Variants in YBX1 observed in about 807,000 individuals in gnomAD.
The protein encoded by YBX1 is Y-box binding protein 1.
Under a neutral mutation model 41.4 loss-of-function variants are expected in YBX1, and 3 were observed. The ratio of observed to expected loss-of-function variants is 0.07; its 90% CI spans 0.03 to 0.19. The LOEUF (loss-of-function observed/expected upper bound fraction) is 0.19, where lower values mean the gene tolerates loss of function less well. YBX1 is among the 10% of genes least tolerant of loss of function. The pLI, the probability that YBX1 is intolerant of heterozygous loss-of-function variation, is 1.00. For synonymous variants in YBX1, 133 were observed against 165.8 expected, an observed-to-expected ratio of 0.80 and a Z score of 1.52; for missense variants, 274 against 462.8, an observed-to-expected ratio of 0.59 and a Z score of 3.74.
intron 3 of YBX1, among the ~76,000 whole-genome samples, chr1:42,695,760 G>A (rs1650443410): frequency 1.3e-5 from 2 of 152,180 alleles, no homozygotes; most frequent in African/African-American, 4.8e-5. Context: ...GTAACACAGG[G>A]GCAAAGTTGG....
chr1:42,700,534 G>A (rs540959094), intron 6 of YBX1, among the ~76,000 whole-genome samples: 3 of 151,348 alleles, frequency 2.0e-5, no homozygotes, highest in African/African-American at 4.9e-5. Flanking sequence ...GGGAGATTGA[G>A]GCCACAGTGA....
chr1:42,688,615 A>G (rs760447731), intron 2 of YBX1, among the ~76,000 whole-genome samples: 3 of 152,218 alleles, frequency 2.0e-5, no homozygotes, highest in Non-Finnish European at 4.4e-5. Context: ...AGTAAATTGC[A>G]TGTCAGTAAA....
intron 2 of YBX1, among the ~76,000 whole-genome samples, chr1:42,690,916 G>A (rs1650313814): frequency 6.6e-6 from 1 of 152,172 alleles, no homozygotes; most frequent in Admixed American, 6.5e-5. Context: ...CCGGAAAAGG[G>A]TCAGTTCCAG....
At chr1:42,689,153 T>C (rs575040655) in intron 2 of YBX1, among the ~76,000 whole-genome samples, 2 of 152,318 alleles carry the variant, frequency 1.3e-5, no homozygotes, top group African/African-American at 2.4e-5. Flanking sequence ...TACCCTCCAG[T>C]CTTAGCCCTT....
At chr1:42,683,755 T>C (rs919470502) in intron 2 of YBX1, among the ~76,000 whole-genome samples, 53 of 152,370 alleles carry the variant, frequency 3.5e-4, no homozygotes, top group African/African-American at 1.1e-3. Context: ...AGCCATTCCT[T>C]AACAGGGTAA....
chr1:42,697,946 A>C (rs1490962774), intron 6 of YBX1, among the ~76,000 whole-genome samples: 5 of 152,204 alleles, frequency 3.3e-5, no homozygotes, highest in African/African-American at 1.2e-4. Flanking sequence ...TTGTTTCTCT[A>C]AGGGTTTGAT....
chr1:42,683,328 G>C (rs781744913), intron 1 of YBX1, 75 bp from the exon 2 acceptor site: 1 of 1,580,906 alleles, frequency 6.3e-7, no homozygotes, highest in South Asian at 1.1e-5. Flanking sequence ...GCGAGGGACC[G>C]GATGCCCAAG....
intron 2 of YBX1, among the ~76,000 whole-genome samples, chr1:42,690,589 CTG>C (rs921734108): frequency 3.9e-5 from 6 of 152,192 alleles, no homozygotes; most frequent in African/African-American, 1.4e-4. Flanking sequence ...ATGTGTCAGA[CTG>C]TGCAGGTGGC....
chr1:42,697,417 G>C (rs1176866303), intron 6 of YBX1, among the ~76,000 whole-genome samples, 155 bp downstream of exon 6: 1 of 152,174 alleles, frequency 6.6e-6, no homozygotes, highest in Non-Finnish European at 1.5e-5. Context: ...AAAACAGCTT[G>C]TATAGATGAG....
chr1:42,696,439 G>C lies in YBX1; in HGVS notation c.354+151G>C. ...AAGCCTAATGTTCTGGCTGCAGTTA[G>C]AGGGCAATCTCTTCAGAACAGTGAG... is the stretch of plus-strand genomic sequence containing the variant. On this transcript the variant is annotated intron_variant, in intron 4 of 7. Coordinates refer to ENST00000321358, the MANE Select transcript of YBX1 (RefSeq NM_004559.5). This position sits in a 1 kb window ranked among gnomAD's most constrained non-coding sequence, Gnocchi z 5.7. The C allele has an allele frequency of 1.0e-6, 1 of 994,830 alleles. No homozygotes were observed. Among genetic ancestry groups the C allele is most frequent in the South Asian group, 1.7e-5 (1 of 57,556 alleles). 61.6% of individuals were successfully genotyped at this position (994,830 alleles called of 1,614,324 possible).
intron 2 of YBX1, among the ~76,000 whole-genome samples, chr1:42,684,684 C>T (rs943933679): frequency 2.6e-5 from 4 of 152,162 alleles, no homozygotes; most frequent in African/African-American, 9.7e-5. Flanking sequence ...TTGTTATATA[C>T]TGTTTGCTTT....
chr1:42,690,730 A>G (rs1480483181), intron 2 of YBX1, among the ~76,000 whole-genome samples: 7 of 152,060 alleles, frequency 4.6e-5, no homozygotes, highest in Non-Finnish European at 8.8e-5. Flanking sequence ...TCTTTCTCCA[A>G]CCCCTTTTCT....
chr1:42,694,298 C>T (rs1433865328), intron 3 of YBX1, among the ~76,000 whole-genome samples: 2 of 152,078 alleles, frequency 1.3e-5, no homozygotes, highest in African/African-American at 4.8e-5. Context: ...CTAATGTAAA[C>T]CACTGCCAAG....
chr1:42,686,051 C>CTAGA (rs1192945051), intron 2 of YBX1, among the ~76,000 whole-genome samples: 1 of 152,108 alleles, frequency 6.6e-6, no homozygotes, highest in Non-Finnish European at 1.5e-5. Context: ...GAGAATGTGA[C>CTAGA]TAGAGGGGTT....
intron 2 of YBX1, among the ~76,000 whole-genome samples, chr1:42,691,261 A>G (rs1650321218): frequency 6.6e-6 from 1 of 152,246 alleles, no homozygotes. Context: ...GACACTGGTC[A>G]GTGAACTGTG....
intron 3 of YBX1, among the ~76,000 whole-genome samples, chr1:42,694,045 TA>T (rs765335934): frequency 1.2e-3 from 187 of 151,972 alleles, no homozygotes; most frequent in Admixed American, 5.4e-3. Context: ...TTTTTTTTTT[TA>T]AACCTTTGGA....
chr1:42,687,619 GGTGTAAA>G (rs1395151534), intron 2 of YBX1, among the ~76,000 whole-genome samples: 3 of 151,912 alleles, frequency 2.0e-5, no homozygotes, highest in African/African-American at 7.3e-5. Flanking sequence ...TAAAGGTGGC[GGTGTAAA>G]GTACTTACTG....
chr1:42,697,580 G>T (rs1346175807), intron 6 of YBX1, among the ~76,000 whole-genome samples: 1 of 152,148 alleles, frequency 6.6e-6, no homozygotes, highest in Non-Finnish European at 1.5e-5. Flanking sequence ...TATCTGAATT[G>T]TACCATGGCA....
rs895146909 is a variant in YBX1 at position 42,683,113 on chromosome 1, G to A, written c.167-290G>A. Reference sequence around the variant, plus strand: ...TCGGAGGGCGCGGCGCACCGCCTACGCAGGCCGGAGCGGCTTCCCCTTCCC... The same window carrying A: ...TCGGAGGGCGCGGCGCACCGCCTACACAGGCCGGAGCGGCTTCCCCTTCCC... On this transcript the variant is annotated intron_variant, in intron 1 of 7. Coordinates refer to ENST00000321358, the MANE Select transcript of YBX1 (RefSeq NM_004559.5). 2.9e-5 allele frequency: 17 copies of A among 582,430 alleles called. 1 individual carries two copies. The East Asian group carries it at 4.0e-4, about 14-fold the overall frequency. 36.1% of individuals were successfully genotyped at this position (582,430 alleles called of 1,614,324 possible). A position where few individuals can be genotyped will look rare whatever the true frequency, so the allele number is the denominator to read the frequency against.
Sources: allele counts gnomAD v4.1 joint callset (sites outside exome capture counted in the v4.1 genomes callset), GRCh38; gene constraint gnomAD v4.1.1; non-coding constraint Gnocchi (gnomAD v3.1); transcripts MANE v1.5; gene names NCBI Gene and HGNC (gene_info 2026-07-23, HGNC 2026-07-21).